The following ZNF140 variants were observed in gnomAD, a reference collection of about 807,000 sequenced individuals.
ZNF140 encodes the protein zinc finger protein 140 (clone pHZ-39).
ZNF140 carries 13 observed loss-of-function variants against 12.9 expected under a neutral mutation model. That is an observed-to-expected ratio of 1.01 (90% CI 0.66 to 1.60). The LOEUF (loss-of-function observed/expected upper bound fraction) is 1.60. ZNF140 is among the 40% of genes most tolerant of loss of function. ZNF140 has a pLI of 0.00. For synonymous variants in ZNF140, 214 were observed against 186.7 expected (o/e 1.15, Z -1.19); for missense variants, 531 against 548.8 (o/e 0.97, Z 0.32).
intron 4 of ZNF140, among the ~76,000 whole-genome samples, chr12:133,088,181 G>T (rs1394355922): frequency 6.6e-6 from 1 of 151,658 alleles, no homozygotes; most frequent in Non-Finnish European, 1.5e-5. Context: ...AGGAAGGAAG[G>T]CTCTAAATCT....
At chr12:133,086,108 T>C (rs1954668275) in intron 4 of ZNF140, among the ~76,000 whole-genome samples, 1 of 152,242 alleles carries the variant, frequency 6.6e-6, no homozygotes, top group Non-Finnish European at 1.5e-5. Context: ...GTTCTACTAT[T>C]GAGGGCTTCT....
rs993028798 is a variant in ZNF140, at chr12:133,103,586, A to AT, written c.233-1915dup. ...CCACACCCGGCCCCAACAGCTTTCTATTTTTTTTTAATGTCCAGGTTCACT... is the reference window on the plus strand; with the variant it reads ...CCACACCCGGCCCCAACAGCTTTCTATTTTTTTTTTAATGTCCAGGTTCACT... On this transcript the variant is annotated intron_variant, in intron 4 of 4. Transcript: ENST00000355557. Among the ~76,000 whole-genome samples the AT allele has an allele frequency of 4.0e-5, 6 of 149,814 alleles. No homozygotes were observed. The South Asian group carries it at 6.4e-4, about 16-fold the overall frequency.
At chr12:133,095,642 C>T (rs935243409) in intron 4 of ZNF140, among the ~76,000 whole-genome samples, 9 of 149,962 alleles carry the variant, frequency 6.0e-5, no homozygotes, top group Non-Finnish European at 1.0e-4. Flanking sequence ...TGAGTTCCCT[C>T]AGTTTTTATT....
chr12:133,096,137 C>G (rs1428024340), intron 4 of ZNF140, among the ~76,000 whole-genome samples: 2 of 151,234 alleles, frequency 1.3e-5, no homozygotes, highest in African/African-American at 4.9e-5. Flanking sequence ...TGGACAATAC[C>G]CCGCTTCCAA....
chr12:133,084,086 C>T, intron 4 of ZNF140: 1 of 406,070 alleles, frequency 2.5e-6, no homozygotes, highest in South Asian at 1.8e-5. Flanking sequence ...GACCAGTTCT[C>T]ACCTTATACT....
rs924329762 is a variant in ZNF140 at position 133,080,976 on chromosome 12, G to T, written c.-145G>T. On this transcript the variant is annotated 5_prime_UTR_variant, in exon 1 of 5. Transcript: ENST00000355557. The stretch of plus-strand genomic sequence containing the variant: ...AAAGGAGCCCTCCCGGTCTGCGCCG[G>T]ATGGCCCCGGGCGGTGACTCGGTCC... 8.1e-3 allele frequency: 1,317 copies of T among 162,460 alleles called. 20 individuals carry two copies. The highest frequency in any genetic ancestry group is 0.03 in the African/African-American group (1,265 of 41,824). 10.1% of individuals were successfully genotyped at this position (162,460 alleles called of 1,614,324 possible).
At chr12:133,103,324 A>C (rs1439341830) in intron 4 of ZNF140, among the ~76,000 whole-genome samples, 4 of 152,336 alleles carry the variant, frequency 2.6e-5, no homozygotes, top group African/African-American at 9.6e-5. Context: ...GTTTTAAGAC[A>C]GGGTGACATT....
chr12:133,081,117 C>A, intron 1 of ZNF140, 45 bp downstream of exon 1: 1 of 270,056 alleles, frequency 3.7e-6, no homozygotes, highest in East Asian at 7.8e-5. Context: ...AAGAGAAAGC[C>A]GGCGCCAGTG....
rs761496710 is a variant in ZNF140 at position 133,106,463 on chromosome 12, C to T, written c.1186C>T (p.Arg396Trp). 33 of 1,613,672 alleles carry T rather than the reference C, an allele frequency of 2.0e-5. No homozygotes were observed. The highest frequency in any genetic ancestry group is 4.4e-5 in the South Asian group (4 of 91,072). Residue 396 changes from arginine to tryptophan, a missense_variant, in exon 5 of 5, where the codon CGG (arginine) becomes TGG (tryptophan). Physicochemically the swap from Arg to Trp is moderately radical, Grantham distance 101 (BLOSUM62 -3). Transcript: ENST00000355557. ...TGCTGAATGTGATAAAGCCTTCAGCCGGAGCTTTTCCCTCATTCTACATCA... is the reference window on the plus strand; with the variant it reads ...TGCTGAATGTGATAAAGCCTTCAGCTGGAGCTTTTCCCTCATTCTACATCA... ...ACAECDKAFS[R>W]SFSLILHQRT...
At chr12:133,096,195 T>C (rs1470082444) in intron 4 of ZNF140, among the ~76,000 whole-genome samples, 5 of 151,968 alleles carry the variant, frequency 3.3e-5, no homozygotes, top group Non-Finnish European at 7.4e-5. Context: ...CCCTGGTTTA[T>C]TGAGACTAGA....
chr12:133,098,125 C>G (rs1011728252), intron 4 of ZNF140, among the ~76,000 whole-genome samples: 16 of 151,894 alleles, frequency 1.1e-4, no homozygotes, highest in Non-Finnish European at 2.2e-4. Flanking sequence ...TGAGCCTACG[C>G]ACCCAGCCCC....
At chr12:133,081,213 A>C in intron 1 of ZNF140, 60 bp from the exon 2 acceptor site, 1 of 822,536 alleles carries the variant, frequency 1.2e-6, no homozygotes, top group Non-Finnish European at 2.0e-6. Context: ...GCGGGAATCT[A>C]GTGACTTGGG....
chr12:133,090,964 G>C (rs199996910), intron 4 of ZNF140, among the ~76,000 whole-genome samples: 2 of 142,266 alleles, frequency 1.4e-5, no homozygotes, highest in Non-Finnish European at 3.2e-5. Context: ...GGGCGGTTTT[G>C]CTACTATCTC....
intron 4 of ZNF140, among the ~76,000 whole-genome samples, chr12:133,090,668 T>C (rs796460982): frequency 0.02 from 2,930 of 147,658 alleles, 67 homozygotes; most frequent in African/African-American, 0.059. Flanking sequence ...GCACTCAGCA[T>C]ACCAAGGACC....
chr12:133,093,299 G>A (rs1954954565), intron 4 of ZNF140: 1 of 613,384 alleles, frequency 1.6e-6, no homozygotes, highest in East Asian at 2.8e-5. Context: ...GGCCCAGTAA[G>A]TATAGTTAGT....
At chr12:133,094,502 T>C (rs1954998460) in intron 4 of ZNF140, among the ~76,000 whole-genome samples, 1 of 151,148 alleles carries the variant, frequency 6.6e-6, no homozygotes, top group Non-Finnish European at 1.5e-5. Context: ...TCAAATCAGT[T>C]AGCATGCACC....
At position 133,083,172 on chromosome 12, in the gene ZNF140, C is replaced by G; in HGVS notation, c.79C>G (p.Gln27Glu). ...GGAGTGGAAATGGCTTCAGCCTGCT[C>G]AAAGAGATTTGTACAGATGTGTAAT... ...QEEWKWLQPAQRDLYRCVMLE... is the reference protein window; with the variant it reads ...QEEWKWLQPAERDLYRCVMLE... The change falls in exon 3 of 5, where the codon CAA (glutamine) becomes GAA (glutamate). Residue 27 changes from glutamine to glutamate, a missense_variant. Gln to Glu is a conservative substitution (Grantham distance 29). Transcript: ENST00000355557. 1.2e-6 allele frequency: 2 copies of G among 1,614,170 alleles called. No homozygotes were observed. The highest frequency in any genetic ancestry group is 1.7e-6 in the Non-Finnish European group (2 of 1,180,036).
At chr12:133,097,540 G>A (rs1955172447) in intron 4 of ZNF140, among the ~76,000 whole-genome samples, 1 of 151,724 alleles carries the variant, frequency 6.6e-6, no homozygotes, top group Non-Finnish European at 1.5e-5. Flanking sequence ...CTACTCGGGA[G>A]GCTGAGGCAC....
intron 4 of ZNF140, among the ~76,000 whole-genome samples, chr12:133,090,343 A>G (rs774937758): frequency 1.3e-5 from 2 of 152,012 alleles, no homozygotes; most frequent in South Asian, 2.1e-4. Context: ...GAGTCTTGCT[A>G]TGTTGTCCAG....
Sources: allele counts gnomAD v4.1 joint callset (sites outside exome capture counted in the v4.1 genomes callset), GRCh38; gene constraint gnomAD v4.1.1; transcripts MANE v1.5; gene names NCBI Gene and HGNC (gene_info 2026-07-23, HGNC 2026-07-21).